Variants in ABTB2 observed in about 807,000 individuals in gnomAD.
The protein encoded by ABTB2 is ankyrin repeat and BTB/POZ domain-containing protein 2.
ABTB2 carries 56 observed loss-of-function variants against 104.1 expected under a neutral mutation model. The observed-to-expected ratio is 0.54, with a 90% CI of 0.43 to 0.67. ABTB2 has a LOEUF of 0.67. Ranked by LOEUF, ABTB2 falls within the 30% of genes least tolerant of loss-of-function variation. The pLI is 0.00. For synonymous variants in ABTB2, 606 were observed against 608.2 expected (o/e 1.00, Z 0.05); for missense variants, 1,279 against 1,407.7 (o/e 0.91, Z 1.46).
intron 1 of ABTB2, among the ~76,000 whole-genome samples, chr11:34,295,223 T>C (rs1410378412): frequency 6.6e-6 from 1 of 152,056 alleles, no homozygotes; most frequent in African/African-American, 2.4e-5. Context: ...TAAGATAGCA[T>C]ATTTGTTGCT....
At chr11:34,319,406 T>C (rs1854975587) in intron 1 of ABTB2, among the ~76,000 whole-genome samples, 1 of 152,298 alleles carries the variant, frequency 6.6e-6, no homozygotes, top group South Asian at 2.1e-4. Context: ...GGCCAGTATC[T>C]AGGCAGCAGG....
intron 1 of ABTB2, among the ~76,000 whole-genome samples, chr11:34,266,765 T>TC (rs1171403443): frequency 6.6e-6 from 1 of 151,642 alleles, no homozygotes; most frequent in South Asian, 2.1e-4. Flanking sequence ...ATTTCCCAGA[T>TC]CCCCCTCCCC....
At position 34,151,531 on chromosome 11, in the gene ABTB2, A is replaced by G. The variant is rs1012105770; in HGVS notation, c.*856T>C. 2.0e-5 allele frequency: 3 copies of G among 152,228 alleles called. No homozygotes were observed. Among genetic ancestry groups the G allele is most frequent in the Non-Finnish European group, 4.4e-5 (3 of 68,066 alleles). 9.4% of individuals were successfully genotyped at this position (152,228 alleles called of 1,614,324 possible). A position where few individuals can be genotyped will look rare whatever the true frequency, so the allele number is the denominator to read the frequency against. On this transcript the variant is annotated 3_prime_UTR_variant, in exon 17 of 17. Coordinates refer to ENST00000435224, the MANE Select transcript of ABTB2 (RefSeq NM_145804.3). Reference sequence around the variant, plus strand: ...GGGACTCTGCTTCATCGCCCCCACAAAGGCAACCTAGTCTAGGCCTGAGGT... The same window carrying G: ...GGGACTCTGCTTCATCGCCCCCACAGAGGCAACCTAGTCTAGGCCTGAGGT...
At chr11:34,317,609 C>CA (rs200564871) in intron 1 of ABTB2, among the ~76,000 whole-genome samples, 1,835 of 151,634 alleles carry the variant, frequency 0.012, 31 homozygotes, top group African/African-American at 0.042. Context: ...TCCATCTCCA[C>CA]AAAAAAATAC....
rs377639065 is a variant in ABTB2 at position 34,215,422 on chromosome 11, T to G, written c.884-10732A>C. ...AGGCCCAGGGCAGATGGCCAAGATG[T>G]TTATTAACAGAACATGAGTATATTC... On this transcript the variant is annotated intron_variant, in intron 1 of 16. Transcript: ENST00000435224. Among the ~76,000 whole-genome samples the G allele has an allele frequency of 1.4e-3, 210 of 152,344 alleles. 2 individuals are homozygous for G. The highest frequency in any genetic ancestry group is 4.8e-3 in the African/African-American group (200 of 41,582).
At chr11:34,160,480 T>A in intron 11 of ABTB2, 127 bp from the exon 12 acceptor site, 1 of 694,272 alleles carries the variant, frequency 1.4e-6, no homozygotes, top group African/African-American at 1.8e-5. Context: ...TTGTTCCTGC[T>A]GGATGTGGCT....
intron 11 of ABTB2, 34 bp downstream of exon 11, chr11:34,160,869 G>A (rs769791037): frequency 4.7e-5 from 74 of 1,568,890 alleles, no homozygotes; most frequent in South Asian, 1.2e-4. Flanking sequence ...AGTCTGGGCC[G>A]TGGGCTTGGG....
intron 1 of ABTB2, among the ~76,000 whole-genome samples, chr11:34,224,180 TTTTG>T (rs144173560): frequency 8.6e-4 from 131 of 152,214 alleles, no homozygotes; most frequent in Non-Finnish European, 1.5e-3. Context: ...ACCCAGCTAA[TTTTG>T]TTTATTTTTT....
intron 1 of ABTB2, among the ~76,000 whole-genome samples, chr11:34,249,044 G>A (rs528873918): frequency 3.9e-5 from 6 of 152,334 alleles, no homozygotes; most frequent in East Asian, 1.9e-4. Flanking sequence ...CAAGAGATTC[G>A]CTTGAACCAG....
At chr11:34,280,720 C>A (rs1475817759) in intron 1 of ABTB2, among the ~76,000 whole-genome samples, 1 of 152,270 alleles carries the variant, frequency 6.6e-6, no homozygotes, top group East Asian at 1.9e-4. Context: ...TACTTCTAAT[C>A]CTTACAACCA....
At chr11:34,156,211 T>C (rs1486777970) in intron 14 of ABTB2, among the ~76,000 whole-genome samples, 1 of 152,242 alleles carries the variant, frequency 6.6e-6, no homozygotes, top group Admixed American at 6.5e-5. Flanking sequence ...GCCACTTGAA[T>C]GCATATGAGG....
At position 34,154,162 on chromosome 11, in the gene ABTB2, C is replaced by T. The variant is rs1296343617; in HGVS notation, c.2880+103G>A. 1 of 869,254 alleles carries T rather than the reference C, an allele frequency of 1.2e-6. No homozygotes were observed. The highest frequency in any genetic ancestry group is 2.7e-5 in the East Asian group (1 of 37,476). The allele number at this position is 869,254 out of a possible 1,614,324, so 53.8% of individuals were successfully genotyped here. On this transcript the variant is annotated intron_variant, in intron 16 of 16. Transcript: ENST00000435224. This position sits in a 1 kb window ranked among gnomAD's most constrained non-coding sequence, Gnocchi z 4.9. ...ACACTGCCCTCAGAAGCAGCCTGGT[C>T]ACCTGCATCTCCTAGCTCATCCCCA...
Position 34,252,104 on chromosome 11 carries a change from C to T in ABTB2, c.884-47414G>A, listed in dbSNP as rs1361315533. On this transcript the variant is annotated intron_variant, in intron 1 of 16. Transcript: ENST00000435224. The surrounding 1 kb of genome is among the most constrained non-coding windows in gnomAD (Gnocchi z 5.5). ...GAAAGCTGCAAAACTCACAGCAAGG[C>T]CCGGATGGTGGTTCGGAGTTCATGC... 2.6e-5 allele frequency among the ~76,000 whole-genome samples: 4 copies of T among 152,158 alleles called. No homozygotes were observed.
chr11:34,158,648 T>G (rs1434560614), intron 14 of ABTB2, among the ~76,000 whole-genome samples: 3 of 152,172 alleles, frequency 2.0e-5, no homozygotes, highest in Non-Finnish European at 2.9e-5. Context: ...CTCCTCTCAG[T>G]GGGGTTCAGC....
At chr11:34,191,641 G>C (rs1036232569) in intron 3 of ABTB2, among the ~76,000 whole-genome samples, 2 of 152,172 alleles carry the variant, frequency 1.3e-5, no homozygotes, top group African/African-American at 2.4e-5. Context: ...GGGCTTCCTG[G>C]ACCCTCTGCT....
intron 1 of ABTB2, among the ~76,000 whole-genome samples, chr11:34,339,853 C>T (rs188839191): frequency 1.4e-3 from 208 of 152,206 alleles, no homozygotes; most frequent in African/African-American, 4.5e-3. Context: ...CACTTCACAC[C>T]ACAAATTAAT....
At chr11:34,181,088 A>G (rs544749112) in intron 3 of ABTB2, among the ~76,000 whole-genome samples, 4 of 152,162 alleles carry the variant, frequency 2.6e-5, no homozygotes, top group African/African-American at 7.2e-5. Flanking sequence ...TATTTTTAGT[A>G]GAGACAGGGT....
chr11:34,205,435 C>T (rs1389482578), intron 1 of ABTB2, among the ~76,000 whole-genome samples: 1 of 152,188 alleles, frequency 6.6e-6, no homozygotes, highest in Non-Finnish European at 1.5e-5. Context: ...TCTTAGAAAG[C>T]ACCAGAAAAG....
intron 1 of ABTB2, among the ~76,000 whole-genome samples, chr11:34,241,250 A>G (rs887414476): frequency 6.6e-6 from 1 of 152,174 alleles, no homozygotes; most frequent in African/African-American, 2.4e-5. Flanking sequence ...GTGTGGACTG[A>G]GTGAGTTAAT....
Sources: gnomAD v4.1 joint callset for allele counts (sites outside exome capture counted in the v4.1 genomes callset) on GRCh38, gnomAD v4.1.1 for gene constraint, Gnocchi (gnomAD v3.1) non-coding constraint, MANE v1.5 for transcripts, NCBI Gene and HGNC (gene_info 2026-07-23, HGNC 2026-07-21) for gene names.